Variants in NELL1 observed in about 807,000 individuals in gnomAD.
NELL1 encodes neural EGFL like 1.
Under a neutral mutation model 107.4 loss-of-function variants are expected in NELL1, and 76 were observed. That is an observed-to-expected ratio of 0.71 (90% CI 0.59 to 0.86). The LOEUF is 0.86. NELL1 is among the 40% of genes least tolerant of loss of function. The probability of loss-of-function intolerance (pLI) is 0.00; values close to 1 mark genes in which losing one functional copy is unlikely to be tolerated. For synonymous variants in NELL1, 353 were observed against 341.2 expected, an observed-to-expected ratio of 1.03 and a Z score of -0.38; for missense variants, 1,024 against 1,005.5, an observed-to-expected ratio of 1.02 and a Z score of -0.25.
At chr11:21,542,633 G>A (rs753927777) in intron 16 of NELL1, among the ~76,000 whole-genome samples, 4 of 151,918 alleles carry the variant, frequency 2.6e-5, no homozygotes, top group East Asian at 3.9e-4. Context: ...ATCCACTGAT[G>A]TCATTACCTT....
At chr11:21,035,908 T>C (rs933012173) in intron 12 of NELL1, among the ~76,000 whole-genome samples, 1 of 152,044 alleles carries the variant, frequency 6.6e-6, no homozygotes, top group African/African-American at 2.4e-5. Flanking sequence ...GAGAAAGATA[T>C]AAAAGGGCAT....
chr11:20,910,751 A>C (rs1489481907), intron 5 of NELL1, among the ~76,000 whole-genome samples: 1 of 152,228 alleles, frequency 6.6e-6, no homozygotes, highest in Non-Finnish European at 1.5e-5. Flanking sequence ...TCATTCAGCA[A>C]GTGCTTAGAA....
At chr11:21,259,994 C>T (rs1858864943) in intron 14 of NELL1, 3 of 151,894 alleles carry the variant, frequency 2.0e-5, no homozygotes, top group Admixed American at 2.0e-4. Context: ...TACAACTCAG[C>T]ATAGTTCTCA....
At chr11:21,088,059 C>G (rs908755571) in intron 12 of NELL1, among the ~76,000 whole-genome samples, 8 of 136,066 alleles carry the variant, frequency 5.9e-5, no homozygotes, top group Non-Finnish European at 7.9e-5. Context: ...CCCAGTAGCT[C>G]TGTGTGTGTG....
intron 14 of NELL1, among the ~76,000 whole-genome samples, chr11:21,249,660 C>T (rs964261017): frequency 1.3e-5 from 2 of 152,140 alleles, no homozygotes; most frequent in African/African-American, 2.4e-5. Context: ...CAATTCAAAA[C>T]TGGTAAGGTC....
At chr11:21,232,975 A>G (rs1007997667) in intron 14 of NELL1, among the ~76,000 whole-genome samples, 4 of 152,336 alleles carry the variant, frequency 2.6e-5, no homozygotes, top group Non-Finnish European at 2.9e-5. Flanking sequence ...TTTAAGTGTT[A>G]AATATAGAAA....
At chr11:20,786,593 G>A (rs1856964021) in intron 3 of NELL1, among the ~76,000 whole-genome samples, 1 of 151,956 alleles carries the variant, frequency 6.6e-6, no homozygotes, top group African/African-American at 2.4e-5. Flanking sequence ...AAATCCATAT[G>A]GGTCTACAGC....
rs890420681 is a variant in NELL1, at chr11:21,112,646, A to G, written c.1301-943A>G. Among the ~76,000 whole-genome samples the G allele has an allele frequency of 3.1e-4, 47 of 152,056 alleles. 2 individuals carry two copies. ...TGGGATTGCATATGGATTGAATTAG[A>G]TAATATCTTTACAGATATAAAACAT... On this transcript the variant is annotated intron_variant, in intron 12 of 19. Transcript: ENST00000357134.
intron 5 of NELL1, among the ~76,000 whole-genome samples, chr11:20,900,867 GA>G (rs372383114): frequency 1.3e-5 from 2 of 151,810 alleles, no homozygotes; most frequent in South Asian, 2.1e-4. Flanking sequence ...CATTAAAGGA[GA>G]AAAAAATCCA....
At chr11:20,761,479 G>T (rs962649751) in intron 2 of NELL1, among the ~76,000 whole-genome samples, 1 of 152,172 alleles carries the variant, frequency 6.6e-6, no homozygotes, top group African/African-American at 2.4e-5. Flanking sequence ...TTTGCATTCT[G>T]CTTTTCTTGA....
chr11:20,735,096 A>T (rs907589258), intron 2 of NELL1, among the ~76,000 whole-genome samples: 1 of 152,194 alleles, frequency 6.6e-6, no homozygotes, highest in African/African-American at 2.4e-5. Flanking sequence ...AAAGGTTACT[A>T]AGAAGAACCA....
intron 12 of NELL1, among the ~76,000 whole-genome samples, chr11:21,106,819 A>G (rs1171939857): frequency 1.3e-5 from 2 of 152,166 alleles, no homozygotes; most frequent in Non-Finnish European, 2.9e-5. Flanking sequence ...ATAGAAAAAC[A>G]TGGAACATTG....
intron 2 of NELL1, among the ~76,000 whole-genome samples, chr11:20,699,172 G>T (rs143281152): frequency 6.6e-6 from 1 of 151,246 alleles, no homozygotes; most frequent in Non-Finnish European, 1.5e-5. Context: ...AGTGGAGATC[G>T]TACCACTGTA....
intron 14 of NELL1, among the ~76,000 whole-genome samples, chr11:21,341,458 A>G (rs1850562592): frequency 6.6e-6 from 1 of 152,238 alleles, no homozygotes; most frequent in Non-Finnish European, 1.5e-5. Context: ...TCCAAATAGG[A>G]AACTCAGGCA....
At chr11:20,693,925 A>G (rs1352829833) in intron 2 of NELL1, among the ~76,000 whole-genome samples, 5 of 152,124 alleles carry the variant, frequency 3.3e-5, no homozygotes, top group East Asian at 3.9e-4. Context: ...AGGTACACCA[A>G]TCAGACGCAG....
At chr11:21,524,122 G>A (rs1402178159) in intron 15 of NELL1, among the ~76,000 whole-genome samples, 1 of 152,008 alleles carries the variant, frequency 6.6e-6, no homozygotes, top group African/African-American at 2.4e-5. Flanking sequence ...AGGCTGTATA[G>A]TATAATGATT....
chr11:21,083,240 A>G (rs759617306), intron 12 of NELL1, among the ~76,000 whole-genome samples: 1 of 152,216 alleles, frequency 6.6e-6, no homozygotes, highest in Non-Finnish European at 1.5e-5. Context: ...GAAGTGTGGT[A>G]GACAAAAGAT....
rs539265560 is a variant in NELL1, at chr11:20,784,599, G to T, written c.335+769G>T. Among the ~76,000 whole-genome samples the T allele has an allele frequency of 5.3e-5, 8 of 152,256 alleles. No homozygotes were observed. The South Asian group carries it at 1.7e-3, about 32-fold the overall frequency. ...AGCCAGATCATCGCAAAGCTTCAATGCCATGTTAAAAACTTGTACTGAAGT... is the reference window on the plus strand; with the variant it reads ...AGCCAGATCATCGCAAAGCTTCAATTCCATGTTAAAAACTTGTACTGAAGT... On this transcript the variant is annotated intron_variant, in intron 3 of 19. Coordinates refer to ENST00000357134, the MANE Select transcript of NELL1 (RefSeq NM_006157.5).
intron 15 of NELL1, among the ~76,000 whole-genome samples, chr11:21,409,286 A>G (rs1230785791): frequency 6.6e-6 from 1 of 152,120 alleles, no homozygotes; most frequent in African/African-American, 2.4e-5. Context: ...TTGTAGGGAC[A>G]TGGATGAAAT....
Sources: gnomAD v4.1 joint callset for allele counts (sites outside exome capture counted in the v4.1 genomes callset) on GRCh38, gnomAD v4.1.1 for gene constraint, MANE v1.5 for transcripts, NCBI Gene and HGNC (gene_info 2026-07-23, HGNC 2026-07-21) for gene names.